The following TTC28 variants were observed in gnomAD, a reference collection of about 807,000 sequenced individuals.
TTC28 encodes the protein tetratricopeptide repeat protein 28.
A neutral mutation model predicts 198.0 loss-of-function variants in TTC28; 61 were observed. The observed-to-expected ratio is 0.31, with a 90% CI of 0.25 to 0.38. TTC28 has a LOEUF of 0.38. Among genes scored for constraint, TTC28 ranks in the 10% least tolerant of loss-of-function variants. The pLI is 1.00. For missense variants in TTC28, 2,678 were observed against 3,164.0 expected (o/e 0.85, Z 3.69); for synonymous variants, 1,171 against 1,297.8 (o/e 0.90, Z 2.10).
intron 5 of TTC28, among the ~76,000 whole-genome samples, chr22:28,188,482 T>C (rs867349953): frequency 1.3e-5 from 2 of 152,014 alleles, no homozygotes; most frequent in African/African-American, 2.4e-5. Flanking sequence ...AAACAGAGGA[T>C]AGAATATAAA....
chr22:28,210,368 A>G (rs2147176863), intron 5 of TTC28, among the ~76,000 whole-genome samples: 1 of 152,172 alleles, frequency 6.6e-6, no homozygotes, highest in South Asian at 2.1e-4. Context: ...GGATGTTCGA[A>G]GAAAAGAAGC....
chr22:28,650,063 T>C (rs1450132106), intron 1 of TTC28, among the ~76,000 whole-genome samples: 1 of 152,124 alleles, frequency 6.6e-6, no homozygotes, highest in East Asian at 1.9e-4. Context: ...TAATCATGAC[T>C]GTCATACAAG....
intron 2 of TTC28, among the ~76,000 whole-genome samples, chr22:28,470,599 A>G (rs1045352718): frequency 1.4e-4 from 22 of 152,318 alleles, no homozygotes; most frequent in African/African-American, 4.3e-4. Flanking sequence ...GTGTAACTTT[A>G]TTTTTATCCA....
At chr22:28,263,798 A>AG (rs1306790555) in intron 5 of TTC28, among the ~76,000 whole-genome samples, 1 of 151,722 alleles carries the variant, frequency 6.6e-6, no homozygotes, top group African/African-American at 2.4e-5. Flanking sequence ...GTAGGGGGTT[A>AG]GTCAGGATAG....
At chr22:28,246,585 T>C (rs1383773556) in intron 5 of TTC28, among the ~76,000 whole-genome samples, 1 of 152,166 alleles carries the variant, frequency 6.6e-6, no homozygotes, top group Non-Finnish European at 1.5e-5. Context: ...AGTGACCAAG[T>C]ATTTGGCACC....
chr22:28,479,704 C>G (rs543152037), intron 2 of TTC28, among the ~76,000 whole-genome samples: 1 of 152,282 alleles, frequency 6.6e-6, no homozygotes, highest in South Asian at 2.1e-4. Context: ...TATATATTCA[C>G]TGATACTAAC....
chr22:28,431,226 C>T (rs16986420), intron 2 of TTC28, among the ~76,000 whole-genome samples: 8,211 of 152,144 alleles, frequency 0.054, 338 homozygotes, highest in East Asian at 0.23. Flanking sequence ...GCACTTTATT[C>T]ATCTTTGCAT....
intron 2 of TTC28, among the ~76,000 whole-genome samples, chr22:28,452,141 G>A (rs2047787576): frequency 6.6e-6 from 1 of 152,094 alleles, no homozygotes; most frequent in African/African-American, 2.4e-5. Flanking sequence ...TGTAATCCCA[G>A]CACTTTGGGA....
At chr22:27,997,152 T>C (rs1937567096) in intron 16 of TTC28, among the ~76,000 whole-genome samples, 1 of 152,172 alleles carries the variant, frequency 6.6e-6, no homozygotes, top group African/African-American at 2.4e-5. Context: ...CACCTCTACT[T>C]TCTGCGTCTC....
intron 2 of TTC28, among the ~76,000 whole-genome samples, chr22:28,589,854 A>G (rs924668631): frequency 6.6e-6 from 1 of 151,792 alleles, no homozygotes; most frequent in African/African-American, 2.4e-5. Flanking sequence ...CCTGGCCAAG[A>G]TGGTGAAACC....
chr22:28,339,731 C>A (rs938178645), intron 2 of TTC28, among the ~76,000 whole-genome samples: 1 of 152,174 alleles, frequency 6.6e-6, no homozygotes, highest in Non-Finnish European at 1.5e-5. Flanking sequence ...TTTGCTAAGA[C>A]CGTTGGAAAA....
At chr22:28,064,807 A>G (rs1940690483) in intron 12 of TTC28, among the ~76,000 whole-genome samples, 1 of 152,188 alleles carries the variant, frequency 6.6e-6, no homozygotes, top group Non-Finnish European at 1.5e-5. Flanking sequence ...TGGAAAAGGT[A>G]TCCAGTAAAC....
chr22:28,542,597 T>G (rs1222033872), intron 2 of TTC28, among the ~76,000 whole-genome samples: 5 of 151,992 alleles, frequency 3.3e-5, no homozygotes, highest in African/African-American at 1.2e-4. Context: ...AATAAATAAT[T>G]TATTAAAATA....
intron 2 of TTC28, among the ~76,000 whole-genome samples, chr22:28,463,759 T>C (rs1471549398): frequency 6.6e-6 from 1 of 151,568 alleles, no homozygotes; most frequent in Non-Finnish European, 1.5e-5. Context: ...CCGGGGCCTG[T>C]TGTGGGGTAG....
intron 5 of TTC28, among the ~76,000 whole-genome samples, chr22:28,232,150 AC>A (rs2147230858): frequency 6.6e-6 from 1 of 152,320 alleles, no homozygotes; most frequent in South Asian, 2.1e-4. Context: ...CTCATGAAGT[AC>A]CACAGGATTT....
chr22:28,435,325 T>C (rs986643049), intron 2 of TTC28, among the ~76,000 whole-genome samples: 8 of 152,210 alleles, frequency 5.3e-5, no homozygotes, highest in African/African-American at 1.9e-4. Flanking sequence ...TGAGAACTCC[T>C]CTTAGCTAGA....
chr22:28,520,510 G>T (rs1008657375), intron 2 of TTC28, among the ~76,000 whole-genome samples: 3 of 152,200 alleles, frequency 2.0e-5, no homozygotes, highest in Non-Finnish European at 4.4e-5. Context: ...AGAATCATCT[G>T]TGGCAGACCA....
At chr22:28,441,225 T>A (rs1008989113) in intron 2 of TTC28, among the ~76,000 whole-genome samples, 1 of 152,168 alleles carries the variant, frequency 6.6e-6, no homozygotes, top group Non-Finnish European at 1.5e-5. Context: ...TTACTGCATA[T>A]TGGGTAAAAT....
intron 13 of TTC28, among the ~76,000 whole-genome samples, chr22:28,025,981 C>T (rs1443836024): frequency 4.6e-5 from 7 of 152,214 alleles, no homozygotes; most frequent in African/African-American, 1.7e-4. Flanking sequence ...GATGGCTCTC[C>T]TCTCCAGTCA....
Sources: allele counts gnomAD v4.1 joint callset (sites outside exome capture counted in the v4.1 genomes callset), GRCh38; gene constraint gnomAD v4.1.1; transcripts MANE v1.5; gene names NCBI Gene and HGNC (gene_info 2026-07-23, HGNC 2026-07-21).